CFH: variants seen among roughly 807,000 people sequenced by gnomAD.
The protein encoded by CFH is complement factor H.
In CFH, 53 loss-of-function variants were observed where a neutral mutation model predicts 147.3. The observed-to-expected ratio is 0.36, with a 90% confidence interval of 0.29 to 0.45. The LOEUF is 0.45. Ranked by LOEUF, CFH falls within the 20% of genes least tolerant of loss-of-function variation. The pLI is 1.00. For missense variants in CFH, 1,380 were observed against 1,498.0 expected (o/e 0.92, Z 1.30); for synonymous variants, 536 against 489.4 (o/e 1.10, Z -1.26).
At chr1:196,711,984 CT>C (rs918724838) in intron 9 of CFH, among the ~76,000 whole-genome samples, 2 of 152,074 alleles carry the variant, frequency 1.3e-5, no homozygotes, top group Non-Finnish European at 2.9e-5. Context: ...GTGAACTCAT[CT>C]TCTTTGGGAA....
At chr1:196,652,233 G>A in intron 1 of CFH, 58 bp downstream of exon 1, 1 of 1,299,002 alleles carries the variant, frequency 7.7e-7, no homozygotes, top group Non-Finnish European at 1.1e-6. Context: ...TGCTAATGAT[G>A]CTTTTCACAG....
At chr1:196,714,658 TATATATATATAGAGAGAGAG>T (rs1307591728) in intron 10 of CFH, among the ~76,000 whole-genome samples, 549 of 47,278 alleles carry the variant, frequency 0.012, no homozygotes, top group East Asian at 0.048. Context: ...TATATATATA[TATATATATATAGAGAGAGAG>T]AGAGAGAGAG....
chr1:196,655,435 T>C (rs1408893276), intron 1 of CFH, among the ~76,000 whole-genome samples: 2 of 152,230 alleles, frequency 1.3e-5, no homozygotes, highest in Non-Finnish European at 1.5e-5. Flanking sequence ...CTACATATAA[T>C]TTAAACTAAA....
chr1:196,710,019 AACAC>A (rs377373251), intron 9 of CFH, among the ~76,000 whole-genome samples: 4 of 132,692 alleles, frequency 3.0e-5, no homozygotes, highest in Non-Finnish European at 6.3e-5. Context: ...TCAAAAACAA[AACAC>A]ACACACACAC....
intron 9 of CFH, among the ~76,000 whole-genome samples, chr1:196,709,898 G>A (rs566240694): frequency 1.2e-3 from 176 of 152,018 alleles, no homozygotes; most frequent in Non-Finnish European, 2.2e-3. Context: ...AGTACCAGCT[G>A]CTCAGGAGAT....
At position 196,696,931 on chromosome 1, in the gene CFH, C is replaced by T. The variant is rs556783221; in HGVS notation, c.1336+6692C>T. ...AGGATTCCTTATTTAATAAATGGTG[C>T]TGGGAAAACAGGCTAGCCATATGTA... On this transcript the variant is annotated intron_variant, in intron 9 of 21. Transcript: ENST00000367429. Among the ~76,000 whole-genome samples the T allele has an allele frequency of 7.9e-5, 12 of 152,254 alleles. No individual in the cohort carries two copies. In the South Asian group the frequency reaches 2.5e-3, roughly 32 times the overall value.
intron 4 of CFH, chr1:196,677,275 A>T: frequency 1.8e-6 from 1 of 546,322 alleles, no homozygotes; most frequent in Non-Finnish European, 3.3e-6. Context: ...CCACTCCCAT[A>T]GAAAAGAATC....
At chr1:196,657,533 T>C (rs998705697) in intron 1 of CFH, among the ~76,000 whole-genome samples, 26 of 152,214 alleles carry the variant, frequency 1.7e-4, no homozygotes, top group Admixed American at 2.6e-4. Context: ...AATTTAAGTA[T>C]GTGCAGATTT....
At chr1:196,683,772 A>G (rs954355896) in intron 6 of CFH, among the ~76,000 whole-genome samples, 1 of 151,828 alleles carries the variant, frequency 6.6e-6, no homozygotes, top group South Asian at 2.1e-4. Context: ...GGAAAGAAGT[A>G]TAGGAAACTC....
chr1:196,709,566 T>C (rs1463032717), intron 9 of CFH, among the ~76,000 whole-genome samples: 1 of 152,060 alleles, frequency 6.6e-6, no homozygotes, highest in Non-Finnish European at 1.5e-5. Context: ...TTATATAAAA[T>C]TGATTAAGGG....
At chr1:196,727,687 T>C (rs1399522428) in intron 14 of CFH, among the ~76,000 whole-genome samples, 1 of 152,168 alleles carries the variant, frequency 6.6e-6, no homozygotes, top group Non-Finnish European at 1.5e-5. Flanking sequence ...TTCTTTTCTC[T>C]CTTAAAGCTT....
intron 19 of CFH, among the ~76,000 whole-genome samples, chr1:196,743,215 T>C (rs1200689006): frequency 1.3e-5 from 2 of 152,224 alleles, no homozygotes; most frequent in Non-Finnish European, 2.9e-5. Context: ...TAAAGGTCTA[T>C]CAGTGTTCTA....
chr1:196,746,039 T>A, intron 21 of CFH, 40 bp downstream of exon 21: 1 of 1,613,902 alleles, frequency 6.2e-7, no homozygotes, highest in South Asian at 1.1e-5. Flanking sequence ...AAAATCTCTG[T>A]GATGAGTCTG....
chr1:196,680,311 CAAA>C (rs34028773), intron 6 of CFH, among the ~76,000 whole-genome samples: 2 of 93,688 alleles, frequency 2.1e-5, no homozygotes, highest in Non-Finnish European at 4.7e-5. Flanking sequence ...GGAAAATTAC[CAAA>C]AAAAAAAAAA....
intron 10 of CFH, among the ~76,000 whole-genome samples, chr1:196,714,680 G>T (rs1448707938): frequency 6.3e-3 from 334 of 53,090 alleles, no homozygotes; most frequent in Non-Finnish European, 9.0e-3. Context: ...GAGAGAGAGA[G>T]AGAGAGAGAG....
chr1:196,740,805 G>T lies in CFH; in HGVS notation c.2956+13G>T, dbSNP rs572034879. On this transcript the variant is annotated intron_variant, in intron 18 of 21. Transcript: ENST00000367429. ...CCATCATGCATAAGTATGGTGCATT[G>T]AATTTTATTATATGTATGATAAATA... 30 of 1,611,872 alleles carry T rather than the reference G, an allele frequency of 1.9e-5. No homozygotes were observed. The South Asian group carries it at 2.1e-4, about 11-fold the overall frequency.
intron 1 of CFH, among the ~76,000 whole-genome samples, chr1:196,671,101 C>T (rs1667261945): frequency 6.6e-6 from 1 of 152,060 alleles, no homozygotes; most frequent in Admixed American, 6.6e-5. Flanking sequence ...AACCATCTGA[C>T]AAGTTGTTAT....
intron 11 of CFH, among the ~76,000 whole-genome samples, chr1:196,719,109 A>G (rs1668938979): frequency 6.6e-6 from 1 of 152,060 alleles, no homozygotes; most frequent in South Asian, 2.1e-4. Flanking sequence ...AACATTTCAC[A>G]TATCTAGTAC....
intron 18 of CFH, 74 bp from the exon 19 acceptor site, chr1:196,741,801 G>T (rs1652816093): frequency 2.9e-6 from 4 of 1,363,610 alleles, no homozygotes; most frequent in East Asian, 2.3e-5. Context: ...CGCTATTTTA[G>T]AATCCATTAC....
Sources: allele counts gnomAD v4.1 joint callset (sites outside exome capture counted in the v4.1 genomes callset), GRCh38; gene constraint gnomAD v4.1.1; transcripts MANE v1.5; gene names NCBI Gene and HGNC (gene_info 2026-07-23, HGNC 2026-07-21).